Variants in GRID2 observed in about 807,000 individuals in gnomAD.
The protein encoded by GRID2 is glutamate ionotropic receptor delta type subunit 2.
Under a neutral mutation model 114.8 loss-of-function variants are expected in GRID2, and 33 were observed. The ratio of observed to expected loss-of-function variants is 0.29; its 90% confidence interval spans 0.22 to 0.38. The LOEUF (loss-of-function observed/expected upper bound fraction) is 0.38, where lower values mean the gene tolerates loss of function less well. GRID2 is among the 10% of genes least tolerant of loss of function. The pLI is 1.00. For synonymous variants in GRID2, 505 were observed against 449.9 expected, an observed-to-expected ratio of 1.12 and a Z score of -1.55; for missense variants, 1,184 against 1,257.7, an observed-to-expected ratio of 0.94 and a Z score of 0.89.
chr4:92,845,568 A>G (rs1277954053), intron 2 of GRID2, among the ~76,000 whole-genome samples: 1 of 152,082 alleles, frequency 6.6e-6, no homozygotes, highest in East Asian at 1.9e-4. Flanking sequence ...TAAATATACC[A>G]TCCTGCTCTC....
At chr4:93,469,940 C>T (rs920399742) in intron 11 of GRID2, among the ~76,000 whole-genome samples, 22 of 151,998 alleles carry the variant, frequency 1.4e-4, no homozygotes, top group African/African-American at 5.3e-4. Flanking sequence ...TTCAGTCCTC[C>T]AAATACAGAA....
intron 3 of GRID2, among the ~76,000 whole-genome samples, chr4:93,103,646 C>G (rs547633636): frequency 9.3e-4 from 141 of 151,950 alleles, no homozygotes; most frequent in Admixed American, 2.3e-3. Flanking sequence ...TTAAGGGAGG[C>G]AAGCAGAGTT....
chr4:93,064,130 A>C (rs1454493651), intron 2 of GRID2, among the ~76,000 whole-genome samples: 1 of 51,152 alleles, frequency 2.0e-5, no homozygotes, highest in Non-Finnish European at 3.9e-5. Context: ...ATTAAAATAT[A>C]ATATATATAA....
chr4:92,989,744 A>G (rs1042039943), intron 2 of GRID2, among the ~76,000 whole-genome samples: 1 of 152,176 alleles, frequency 6.6e-6, no homozygotes, highest in South Asian at 2.1e-4. Flanking sequence ...CCTGTTAACA[A>G]TTGAGCCAAA....
At chr4:93,502,560 C>T (rs1202703400) in intron 12 of GRID2, among the ~76,000 whole-genome samples, 2 of 151,934 alleles carry the variant, frequency 1.3e-5, no homozygotes, top group African/African-American at 2.4e-5. Context: ...CTAGCCTCTC[C>T]ATCATGCCAG....
Position 93,549,468 on chromosome 4 carries a change from C to T in GRID2, c.2193+34057C>T, listed in dbSNP as rs532005305. On this transcript the variant is annotated intron_variant, in intron 13 of 15. Transcript: ENST00000282020. ...AAGCTTAAATATTTCAAACGCCTAT[C>T]GAGGTCGTGTGTTTGAAGCAAATTC... is the stretch of plus-strand genomic sequence containing the variant. 5.3e-5 allele frequency among the ~76,000 whole-genome samples: 8 copies of T among 152,288 alleles called. No individual in the cohort carries two copies. The South Asian group carries it at 1.0e-3, about 20-fold the overall frequency.
chr4:92,317,571 T>C (rs1053245283), intron 1 of GRID2, among the ~76,000 whole-genome samples: 1 of 152,174 alleles, frequency 6.6e-6, no homozygotes, highest in Admixed American at 6.6e-5. Context: ...TCAGTGGCAA[T>C]ACTAATGAGC....
At chr4:93,686,439 A>G (rs748228575) in intron 14 of GRID2, among the ~76,000 whole-genome samples, 2 of 151,990 alleles carry the variant, frequency 1.3e-5, no homozygotes, top group South Asian at 2.1e-4. Context: ...TTCATCAGCT[A>G]CTATGTGCCA....
chr4:92,792,893 A>AT (rs11456511), intron 2 of GRID2, among the ~76,000 whole-genome samples: 18,830 of 133,176 alleles, frequency 0.14, 1,476 homozygotes, highest in African/African-American at 0.22. Context: ...CATAATATCC[A>AT]TTTTTTTTTT....
chr4:92,347,776 C>G (rs1460973685), intron 1 of GRID2, among the ~76,000 whole-genome samples: 1 of 152,034 alleles, frequency 6.6e-6, no homozygotes, highest in Non-Finnish European at 1.5e-5. Context: ...GAACAAAGAA[C>G]AGAGTTTTTC....
intron 2 of GRID2, among the ~76,000 whole-genome samples, chr4:92,845,359 G>T (rs1412411980): frequency 6.6e-6 from 1 of 152,010 alleles, no homozygotes; most frequent in Non-Finnish European, 1.5e-5. Context: ...GCATTAAATT[G>T]AGTTTTAAGT....
intron 2 of GRID2, among the ~76,000 whole-genome samples, chr4:92,900,562 G>A (rs897802226): frequency 2.0e-4 from 31 of 152,236 alleles, no homozygotes; most frequent in African/African-American, 7.0e-4. Context: ...CAGGCACGGC[G>A]GCTCACGCCT....
intron 2 of GRID2, among the ~76,000 whole-genome samples, chr4:92,776,652 T>G (rs1738812675): frequency 6.6e-6 from 1 of 152,082 alleles, no homozygotes; most frequent in African/African-American, 2.4e-5. Context: ...AAGGAAACAT[T>G]AGCATCTTGT....
intron 14 of GRID2, among the ~76,000 whole-genome samples, chr4:93,678,138 C>T (rs1158042269): frequency 6.6e-6 from 1 of 152,044 alleles, no homozygotes; most frequent in East Asian, 1.9e-4. Flanking sequence ...ATGTAGAAGC[C>T]TCAGGAGCCG....
chr4:92,723,691 T>C (rs1735919814), intron 2 of GRID2, among the ~76,000 whole-genome samples: 1 of 152,172 alleles, frequency 6.6e-6, no homozygotes, highest in African/African-American at 2.4e-5. Context: ...AAATTGTTCA[T>C]ATAATGAAGA....
chr4:92,711,571 T>C (rs1735252215), intron 2 of GRID2, among the ~76,000 whole-genome samples: 1 of 152,156 alleles, frequency 6.6e-6, no homozygotes, highest in Admixed American at 6.6e-5. Context: ...TTCAAACATC[T>C]GTATTCTGCT....
intron 3 of GRID2, among the ~76,000 whole-genome samples, chr4:93,102,202 T>C (rs1391545106): frequency 6.6e-6 from 1 of 152,172 alleles, no homozygotes; most frequent in East Asian, 1.9e-4. Context: ...ACTAGACATG[T>C]TGGCTCCTGC....
At chr4:93,727,170 A>T (rs1167667619) in intron 14 of GRID2, among the ~76,000 whole-genome samples, 1 of 152,098 alleles carries the variant, frequency 6.6e-6, no homozygotes, top group East Asian at 1.9e-4. Context: ...ATCAATACCT[A>T]ATTTATTGAG....
At chr4:93,678,493 A>C (rs1434471735) in intron 14 of GRID2, among the ~76,000 whole-genome samples, 1 of 152,036 alleles carries the variant, frequency 6.6e-6, no homozygotes, top group Non-Finnish European at 1.5e-5. Context: ...ACCAAAGTTG[A>C]ACTGAAGGAA....
Sources: gnomAD v4.1 joint callset for allele counts (sites outside exome capture counted in the v4.1 genomes callset) on GRCh38, gnomAD v4.1.1 for gene constraint, MANE v1.5 for transcripts, NCBI Gene and HGNC (gene_info 2026-07-23, HGNC 2026-07-21) for gene names.